Variants in VANGL1 observed in about 807,000 individuals in gnomAD.
VANGL1 encodes the protein vang-like protein 1.
Under a neutral mutation model 48.4 loss-of-function variants are expected in VANGL1, and 18 were observed. That is an observed-to-expected ratio of 0.37 (90% CI 0.26 to 0.55). The LOEUF is 0.55. Ranked by LOEUF, VANGL1 falls within the 20% of genes least tolerant of loss-of-function variation. The pLI, the probability that VANGL1 is intolerant of heterozygous loss-of-function variation, is 0.81. For synonymous variants in VANGL1, 257 were observed against 261.8 expected (o/e 0.98, Z 0.18); for missense variants, 667 against 675.8 (o/e 0.99, Z 0.14).
chr1:115,689,437 G>A (rs1557777788), intron 7 of VANGL1, among the ~76,000 whole-genome samples: 1 of 135,936 alleles, frequency 7.4e-6, no homozygotes, highest in East Asian at 2.1e-4. Flanking sequence ...TTCGAGACCA[G>A]CTTGGCCCAC....
At chr1:115,656,948 G>T (rs1440748094) in intron 2 of VANGL1, among the ~76,000 whole-genome samples, 1 of 152,238 alleles carries the variant, frequency 6.6e-6, no homozygotes, top group Non-Finnish European at 1.5e-5. Context: ...CCGAGAGAGT[G>T]ATAAATGTGA....
intron 3 of VANGL1, 109 bp from the exon 4 acceptor site, chr1:115,663,552 C>A: frequency 6.8e-7 from 1 of 1,471,518 alleles, no homozygotes; most frequent in Middle Eastern, 2.0e-4. Context: ...TTCTGGAAGC[C>A]TTTGTGAATA....
chr1:115,662,674 A>G (rs945420412), intron 3 of VANGL1, among the ~76,000 whole-genome samples: 1 of 152,222 alleles, frequency 6.6e-6, no homozygotes, highest in African/African-American at 2.4e-5. Context: ...TTTTAAGCCA[A>G]TCTGGCCATA....
chr1:115,697,614 C>T lies in VANGL1; in HGVS notation c.*6235C>T, dbSNP rs1003319236. ...CTCAACAGAAATGCTACTGAGAGAACCAGAGAGGCCTGGGCCAGGCAGGTC... is the reference window on the plus strand; with the variant it reads ...CTCAACAGAAATGCTACTGAGAGAATCAGAGAGGCCTGGGCCAGGCAGGTC... On this transcript the variant is annotated 3_prime_UTR_variant, in exon 8 of 8. Coordinates refer to ENST00000355485, the MANE Select transcript of VANGL1 (RefSeq NM_138959.3). The T allele has an allele frequency of 6.6e-6, 1 of 152,162 alleles. No homozygotes were observed. The highest frequency in any genetic ancestry group is 1.5e-5 in the Non-Finnish European group (1 of 68,044). 9.4% of individuals were successfully genotyped at this position (152,162 alleles called of 1,614,324 possible). A position where few individuals can be genotyped will look rare whatever the true frequency, so the allele number is the denominator to read the frequency against.
intron 4 of VANGL1, among the ~76,000 whole-genome samples, chr1:115,670,591 A>G (rs1284223044): frequency 6.6e-6 from 1 of 152,198 alleles, no homozygotes; most frequent in Non-Finnish European, 1.5e-5. Flanking sequence ...CAGTGATTAC[A>G]TTACTGGTAG....
rs548322384 is a variant in VANGL1 at position 115,667,961 on chromosome 1, C to T, written c.812+3693C>T. Among the ~76,000 whole-genome samples the T allele has an allele frequency of 5.3e-5, 8 of 152,268 alleles. No individual in the cohort carries two copies. The South Asian group carries it at 1.5e-3, about 28-fold the overall frequency. On this transcript the variant is annotated intron_variant, in intron 4 of 7. Coordinates refer to ENST00000355485, the MANE Select transcript of VANGL1 (RefSeq NM_138959.3). Reference sequence around the variant, plus strand: ...AACAACAGAGACAGATAAAGAAAACCTTAACAATAAACAATTACATAGTCT... The same window carrying T: ...AACAACAGAGACAGATAAAGAAAACTTTAACAATAAACAATTACATAGTCT...
chr1:115,682,269 G>T, intron 4 of VANGL1, 95 bp from the exon 5 acceptor site: 1 of 1,509,994 alleles, frequency 6.6e-7, no homozygotes, highest in Non-Finnish European at 9.0e-7. Flanking sequence ...CTTTGATGTT[G>T]TGTTCCTTTA....
intron 2 of VANGL1, among the ~76,000 whole-genome samples, chr1:115,659,315 A>G (rs1652458697): frequency 6.6e-6 from 1 of 152,212 alleles, no homozygotes; most frequent in African/African-American, 2.4e-5. Context: ...ACTAATTATT[A>G]CAATAAAGTG....
At chr1:115,678,018 C>T (rs1653230949) in intron 4 of VANGL1, among the ~76,000 whole-genome samples, 1 of 152,146 alleles carries the variant, frequency 6.6e-6, no homozygotes, top group Non-Finnish European at 1.5e-5. Context: ...TGATCTTAGG[C>T]CTGTGGGAAT....
At chr1:115,654,936 C>A (rs1163943691) in intron 2 of VANGL1, among the ~76,000 whole-genome samples, 2 of 152,094 alleles carry the variant, frequency 1.3e-5, no homozygotes, top group South Asian at 2.1e-4. Context: ...TTAGTAGGTG[C>A]CCTCAGCAGA....
intron 1 of VANGL1, among the ~76,000 whole-genome samples, chr1:115,644,352 C>A (rs572803768): frequency 6.6e-6 from 1 of 152,346 alleles, no homozygotes; most frequent in Admixed American, 6.5e-5. Flanking sequence ...AAACACTTGA[C>A]AACTAGAAAC....
At chr1:115,670,782 T>C (rs1314622038) in intron 4 of VANGL1, among the ~76,000 whole-genome samples, 2 of 152,284 alleles carry the variant, frequency 1.3e-5, no homozygotes, top group East Asian at 1.9e-4. Context: ...GAAATGTGTG[T>C]TTTTGTACTC....
chr1:115,654,061 C>G (rs886310838), intron 2 of VANGL1, among the ~76,000 whole-genome samples: 2 of 152,138 alleles, frequency 1.3e-5, no homozygotes, highest in Non-Finnish European at 2.9e-5. Flanking sequence ...GGTTGCCCCC[C>G]ACAGGCATGA....
intron 5 of VANGL1, 108 bp downstream of exon 5, chr1:115,682,605 G>C (rs1000910561): frequency 6.6e-7 from 1 of 1,526,182 alleles, no homozygotes; most frequent in Non-Finnish European, 9.0e-7. Context: ...CTACCTTTAT[G>C]GTACATTCTT....
intron 4 of VANGL1, among the ~76,000 whole-genome samples, chr1:115,670,628 C>T (rs1652941978): frequency 6.6e-6 from 1 of 152,170 alleles, no homozygotes; most frequent in Non-Finnish European, 1.5e-5. Context: ...GGGCCACGCC[C>T]TCCATCCCAT....
chr1:115,649,565 A>G lies in VANGL1; in HGVS notation c.-137-1712A>G, dbSNP rs1205971897. ...ACCCGCAAAGAGAGTGCTGATAGAC[A>G]GTGACTTTCGTTTACCTAGCACATC... On this transcript the variant is annotated intron_variant, in intron 1 of 7. Transcript: ENST00000355485. Among the ~76,000 whole-genome samples the G allele has an allele frequency of 2.0e-5, 3 of 152,246 alleles. No individual in the cohort carries two copies. In the East Asian group the frequency reaches 5.8e-4, roughly 29 times the overall value.
At chr1:115,662,025 A>G (rs951940050) in intron 3 of VANGL1, among the ~76,000 whole-genome samples, 4 of 152,232 alleles carry the variant, frequency 2.6e-5, no homozygotes, top group African/African-American at 9.6e-5. Flanking sequence ...GTGGTTTTCC[A>G]GAGGCACTGT....
At position 115,693,633 on chromosome 1, in the gene VANGL1, G is replaced by A. The variant is rs1171380643; in HGVS notation, c.*2254G>A. 6.6e-6 allele frequency: 1 copy of A among 152,002 alleles called. No homozygotes were observed. The highest frequency in any genetic ancestry group is 1.5e-5 in the Non-Finnish European group (1 of 67,992). 9.4% of individuals were successfully genotyped at this position (152,002 alleles called of 1,614,324 possible). Reference sequence around the variant, plus strand: ...AATTGAGTATTGATTTTTTTATATTGACTTTGTATTGAGTTCTTTTTGAAA... The same window carrying A: ...AATTGAGTATTGATTTTTTTATATTAACTTTGTATTGAGTTCTTTTTGAAA... On this transcript the variant is annotated 3_prime_UTR_variant, in exon 8 of 8. Coordinates refer to ENST00000355485, the MANE Select transcript of VANGL1 (RefSeq NM_138959.3).
Position 115,659,695 on chromosome 1 carries a change from A to T in VANGL1, c.126A>T (p.Ser42=). 1.2e-6 allele frequency: 2 copies of T among 1,614,252 alleles called. No homozygotes were observed. Among genetic ancestry groups the T allele is most frequent in the Non-Finnish European group, 1.7e-6 (2 of 1,180,038 alleles). Reference sequence around the variant, plus strand: ...CCCGGAATAAAGACGGCAGAGGGTCAGAAAAGTCTGTCACCATTCAACCTC... The same window carrying T: ...CCCGGAATAAAGACGGCAGAGGGTCTGAAAAGTCTGTCACCATTCAACCTC... ...KSPRNKDGRG[S]EKSVTIQPPT... is the part of the protein sequence containing the mutation. Residue 42 remains serine (S), a synonymous_variant, in exon 3 of 8, where the codon TCA becomes TCT. Transcript: ENST00000355485.
Sources: gnomAD v4.1 joint callset for allele counts (sites outside exome capture counted in the v4.1 genomes callset) on GRCh38, gnomAD v4.1.1 for gene constraint, MANE v1.5 for transcripts, NCBI Gene and HGNC (gene_info 2026-07-23, HGNC 2026-07-21) for gene names.